The following EPHA6 variants were observed in gnomAD, a reference collection of about 807,000 sequenced individuals.
EPHA6 encodes the protein ephrin type-A receptor 6.
In EPHA6, 50 loss-of-function variants were observed where a neutral mutation model predicts 112.0. The observed-to-expected ratio is 0.45, with a 90% CI of 0.36 to 0.56. The LOEUF (loss-of-function observed/expected upper bound fraction) is 0.56. Among genes scored for constraint, EPHA6 ranks in the 20% least tolerant of loss-of-function variants. EPHA6 has a pLI of 0.00. For missense variants in EPHA6, 1,280 were observed against 1,417.4 expected, an observed-to-expected ratio of 0.90 and a Z score of 1.56; for synonymous variants, 529 against 490.7, an observed-to-expected ratio of 1.08 and a Z score of -1.03.
chr3:97,463,555 C>A (rs916446157), intron 7 of EPHA6, among the ~76,000 whole-genome samples: 1 of 152,130 alleles, frequency 6.6e-6, no homozygotes, highest in Non-Finnish European at 1.5e-5. Context: ...AGTTATCATA[C>A]GCTCATGAAG....
intron 10 of EPHA6, among the ~76,000 whole-genome samples, chr3:97,505,443 G>T (rs1027618685): frequency 6.6e-6 from 1 of 151,948 alleles, no homozygotes. Context: ...GTGGTGTTTG[G>T]TTGTCTGTTC....
intron 3 of EPHA6, among the ~76,000 whole-genome samples, chr3:97,080,630 C>T (rs1327978390): frequency 2.0e-5 from 3 of 151,966 alleles, no homozygotes; most frequent in African/African-American, 7.2e-5. Flanking sequence ...AAAAAAGCAG[C>T]TTACAGTGAG....
intron 5 of EPHA6, among the ~76,000 whole-genome samples, chr3:97,401,281 T>C (rs1235904546): frequency 6.6e-6 from 1 of 151,740 alleles, no homozygotes; most frequent in Non-Finnish European, 1.5e-5. Flanking sequence ...ATTAATGGCT[T>C]CAATTCACCA....
At chr3:97,584,791 C>G (rs572916864) in intron 11 of EPHA6, among the ~76,000 whole-genome samples, 2 of 152,108 alleles carry the variant, frequency 1.3e-5, no homozygotes, top group Admixed American at 6.6e-5. Context: ...AATATTTATC[C>G]CCATGTATTG....
At chr3:97,685,647 C>T (rs1197112872) in intron 14 of EPHA6, among the ~76,000 whole-genome samples, 2 of 152,146 alleles carry the variant, frequency 1.3e-5, no homozygotes, top group Non-Finnish European at 2.9e-5. Flanking sequence ...AAGTGACACC[C>T]ATCATTTTCA....
At chr3:97,247,837 G>A (rs2079027421) in intron 5 of EPHA6, among the ~76,000 whole-genome samples, 1 of 151,830 alleles carries the variant, frequency 6.6e-6, no homozygotes, top group African/African-American at 2.4e-5. Context: ...TGCTCATGAG[G>A]TCATACTTAC....
intron 2 of EPHA6, among the ~76,000 whole-genome samples, chr3:96,955,465 G>T (rs1000014488): frequency 6.6e-6 from 1 of 152,276 alleles, no homozygotes; most frequent in Admixed American, 6.5e-5. Flanking sequence ...GAAGCAGAGG[G>T]AAACAGTTTT....
intron 10 of EPHA6, among the ~76,000 whole-genome samples, chr3:97,525,161 C>G (rs186017453): frequency 2.2e-4 from 34 of 152,134 alleles, no homozygotes; most frequent in African/African-American, 7.9e-4. Context: ...CCCATATATC[C>G]CTACACTTTC....
At chr3:97,227,221 A>AC (rs1422031895) in intron 4 of EPHA6, among the ~76,000 whole-genome samples, 1 of 149,744 alleles carries the variant, frequency 6.7e-6, no homozygotes, top group African/African-American at 2.4e-5. Flanking sequence ...GGTAGAGGAG[A>AC]CTTTTTTTTT....
chr3:97,086,159 T>A (rs1484871230), intron 3 of EPHA6, among the ~76,000 whole-genome samples: 3 of 151,836 alleles, frequency 2.0e-5, no homozygotes, highest in Admixed American at 2.0e-4. Flanking sequence ...GGTCTGGAAC[T>A]CCTGACCTCA....
intron 3 of EPHA6, among the ~76,000 whole-genome samples, chr3:97,033,234 T>C (rs915022619): frequency 2.0e-5 from 3 of 151,954 alleles, no homozygotes; most frequent in African/African-American, 7.2e-5. Flanking sequence ...TTATTGAAAT[T>C]GCATTTTTAA....
rs965936700 is a variant in EPHA6, at chr3:97,601,015, C to T, written c.2512+8278C>T. ...GGCCTTAACTAAGCCTTCTTATTAG[C>T]ATAAATGTTTCTTTTATCTTAATGT... On this transcript the variant is annotated intron_variant, in intron 12 of 17. Coordinates refer to ENST00000389672, the MANE Select transcript of EPHA6 (RefSeq NM_001080448.3). 5.3e-5 allele frequency among the ~76,000 whole-genome samples: 8 copies of T among 152,022 alleles called. No homozygotes were observed. In the East Asian group the frequency reaches 1.5e-3, roughly 29 times the overall value.
At chr3:97,652,600 T>A (rs2094114739) in intron 14 of EPHA6, among the ~76,000 whole-genome samples, 1 of 152,072 alleles carries the variant, frequency 6.6e-6, no homozygotes, top group African/African-American at 2.4e-5. Flanking sequence ...GGGAGCTTTC[T>A]AGTACTGGCC....
At chr3:97,123,364 A>G (rs1287042215) in intron 3 of EPHA6, among the ~76,000 whole-genome samples, 2 of 152,066 alleles carry the variant, frequency 1.3e-5, no homozygotes, top group African/African-American at 4.8e-5. Flanking sequence ...TCATACTACA[A>G]GTAAGGATTT....
At chr3:96,872,537 T>A (rs1328146741) in intron 2 of EPHA6, among the ~76,000 whole-genome samples, 1 of 152,172 alleles carries the variant, frequency 6.6e-6, no homozygotes, top group African/African-American at 2.4e-5. Flanking sequence ...ACACATTCTC[T>A]GAATTTTGTT....
At chr3:96,925,466 CATTTCTGTGGGGTCAGTGGTGTT>C (rs1002811693) in intron 2 of EPHA6, among the ~76,000 whole-genome samples, 9 of 151,974 alleles carry the variant, frequency 5.9e-5, no homozygotes, top group Non-Finnish European at 1.3e-4. Context: ...TGGTTGTTTG[CATTTCTGTGGGGTCAGTGGTGTT>C]ATTTCCTTTA....
chr3:96,989,574 A>T (rs1395644444), intron 3 of EPHA6, among the ~76,000 whole-genome samples: 4 of 152,276 alleles, frequency 2.6e-5, no homozygotes, highest in African/African-American at 9.6e-5. Flanking sequence ...GAACTTCCTG[A>T]GACTGGGTAA....
chr3:96,956,304 A>G (rs939440220), intron 2 of EPHA6, among the ~76,000 whole-genome samples: 2 of 152,226 alleles, frequency 1.3e-5, no homozygotes, highest in African/African-American at 2.4e-5. Flanking sequence ...GGTCATATTA[A>G]CTAATCCTGA....
At chr3:97,485,132 A>C (rs1441154983) in intron 10 of EPHA6, among the ~76,000 whole-genome samples, 1 of 152,208 alleles carries the variant, frequency 6.6e-6, no homozygotes, top group Non-Finnish European at 1.5e-5. Flanking sequence ...ATCCTTTGGA[A>C]AGAGCAGAAC....
Sources: allele counts gnomAD v4.1 joint callset (sites outside exome capture counted in the v4.1 genomes callset), GRCh38; gene constraint gnomAD v4.1.1; transcripts MANE v1.5; gene names NCBI Gene and HGNC (gene_info 2026-07-23, HGNC 2026-07-21).